GPHN: variants seen among roughly 807,000 people sequenced by gnomAD.
GPHN encodes gephyrin.
A neutral mutation model predicts 95.5 loss-of-function variants in GPHN; 17 were observed. The observed-to-expected ratio is 0.18, with a 90% confidence interval of 0.12 to 0.27. The LOEUF (loss-of-function observed/expected upper bound fraction) is 0.27. Ranked by LOEUF, GPHN falls within the 10% of genes least tolerant of loss-of-function variation. The pLI, the probability that GPHN is intolerant of heterozygous loss-of-function variation, is 1.00. For synonymous variants in GPHN, 320 were observed against 322.5 expected, an observed-to-expected ratio of 0.99 and a Z score of 0.08; for missense variants, 660 against 978.1, an observed-to-expected ratio of 0.67 and a Z score of 4.34.
intron 5 of GPHN, among the ~76,000 whole-genome samples, chr14:66,895,877 C>A (rs2064819789): frequency 6.6e-6 from 1 of 152,126 alleles, no homozygotes. Context: ...AAAAAATTGA[C>A]TATTGTCCTG....
At chr14:67,402,982 T>C in the GPHN span, among the ~76,000 whole-genome samples, 1 of 152,242 alleles carries the variant, frequency 6.6e-6, no homozygotes, top group Non-Finnish European at 1.5e-5. Context: ...TTATATTTTT[T>C]TGAGGAGCCT....
intron 10 of GPHN, among the ~76,000 whole-genome samples, chr14:67,036,808 C>A (rs1271756078): frequency 2.0e-5 from 3 of 151,724 alleles, no homozygotes; most frequent in Non-Finnish European, 4.4e-5. Flanking sequence ...TGGAAAGATA[C>A]CTGGATTCAT....
intron 1 of GPHN, among the ~76,000 whole-genome samples, chr14:66,676,513 A>G (rs923504625): frequency 1.3e-5 from 2 of 152,040 alleles, no homozygotes; most frequent in Non-Finnish European, 2.9e-5. Flanking sequence ...TTTATTATGA[A>G]GGGAGTTGAA....
intron 2 of GPHN, among the ~76,000 whole-genome samples, chr14:66,727,186 G>T (rs1361202428): frequency 6.6e-6 from 1 of 152,174 alleles, no homozygotes; most frequent in African/African-American, 2.4e-5. Context: ...AGTAAGACGT[G>T]ACTTGCTCCT....
chr14:66,684,720 A>G (rs1278169279), intron 2 of GPHN, among the ~76,000 whole-genome samples: 1 of 151,698 alleles, frequency 6.6e-6, no homozygotes, highest in East Asian at 1.9e-4. Context: ...TCTCTAAGCA[A>G]GACTTTCTGG....
At chr14:67,232,098 T>C in the GPHN span, among the ~76,000 whole-genome samples, 1 of 152,218 alleles carries the variant, frequency 6.6e-6, no homozygotes. Flanking sequence ...TGGAGCCTAT[T>C]GCTTCCTTTG....
At chr14:66,623,018 C>G (rs1418103084) in intron 1 of GPHN, among the ~76,000 whole-genome samples, 3 of 152,110 alleles carry the variant, frequency 2.0e-5, no homozygotes, top group African/African-American at 4.8e-5. Context: ...CATTTTCATG[C>G]TGCTGATAAA....
the GPHN span, chr14:67,198,909 A>G: frequency 1.4e-6 from 1 of 694,994 alleles, no homozygotes; most frequent in Non-Finnish European, 2.6e-6. Flanking sequence ...GTTCCTAGAA[A>G]TTCCATAACA....
intron 1 of GPHN, among the ~76,000 whole-genome samples, chr14:66,576,199 A>T (rs1595047925): frequency 6.6e-6 from 1 of 151,972 alleles, no homozygotes; most frequent in African/African-American, 2.4e-5. Context: ...TTCTGTGGGC[A>T]TGGGCCTGGA....
the GPHN span, among the ~76,000 whole-genome samples, chr14:67,289,531 T>A: frequency 6.6e-6 from 1 of 152,028 alleles, no homozygotes; most frequent in Non-Finnish European, 1.5e-5. Flanking sequence ...ACTATATATA[T>A]AAAATAAGGA....
chr14:67,478,976 G>A, the GPHN span, among the ~76,000 whole-genome samples: 1 of 152,124 alleles, frequency 6.6e-6, no homozygotes. Context: ...ATGCATATGT[G>A]CACATATACA....
At chr14:67,513,846 G>A in the GPHN span, among the ~76,000 whole-genome samples, 2 of 152,184 alleles carry the variant, frequency 1.3e-5, no homozygotes, top group East Asian at 3.9e-4. Context: ...GTGGTCACAT[G>A]TAAGCCAGCT....
the GPHN span, among the ~76,000 whole-genome samples, chr14:67,377,773 T>G: frequency 6.6e-6 from 1 of 152,242 alleles, no homozygotes; most frequent in African/African-American, 2.4e-5. Context: ...CAACTTTTCC[T>G]TTACTTTCTC....
intron 10 of GPHN, among the ~76,000 whole-genome samples, chr14:67,027,904 A>G (rs1008680091): frequency 6.6e-6 from 1 of 152,160 alleles, no homozygotes; most frequent in Non-Finnish European, 1.5e-5. Flanking sequence ...CCTATATTAT[A>G]GTTATTTTGA....
the GPHN span, chr14:67,199,605 C>T: frequency 6.3e-7 from 1 of 1,591,224 alleles, no homozygotes; most frequent in Admixed American, 1.7e-5. Flanking sequence ...GAGAAGGACT[C>T]CAAGGGTGAG....
chr14:67,612,006 G>T, the GPHN span, among the ~76,000 whole-genome samples: 1 of 152,304 alleles, frequency 6.6e-6, no homozygotes, highest in Middle Eastern at 3.4e-3. Flanking sequence ...ATGCAGCCTA[G>T]ATCCCTCACA....
chr14:67,430,532 G>A, the GPHN span, among the ~76,000 whole-genome samples: 16 of 152,224 alleles, frequency 1.1e-4, no homozygotes, highest in African/African-American at 3.9e-4. Context: ...GAAAGAAGAA[G>A]CAGGAGTGCT....
At chr14:67,012,222 T>C (rs2073054776) in intron 9 of GPHN, among the ~76,000 whole-genome samples, 1 of 152,204 alleles carries the variant, frequency 6.6e-6, no homozygotes, top group Admixed American at 6.5e-5. Flanking sequence ...CTTATAGGGA[T>C]AGATTTAACA....
chr14:66,699,235 G>A (rs1446615166), intron 2 of GPHN, among the ~76,000 whole-genome samples: 1 of 152,054 alleles, frequency 6.6e-6, no homozygotes, highest in Admixed American at 6.5e-5. Flanking sequence ...AGCATTAGGA[G>A]ATATATCTAA....
Sources: gnomAD v4.1 joint callset for allele counts (sites outside exome capture counted in the v4.1 genomes callset) on GRCh38, gnomAD v4.1.1 for gene constraint, MANE v1.5 for transcripts, NCBI Gene and HGNC (gene_info 2026-07-23, HGNC 2026-07-21) for gene names.